The following MTUS2 variants were observed in gnomAD, a reference collection of about 807,000 sequenced individuals.
MTUS2 encodes the protein microtubule associated scaffold protein 2, also known as microtubule-associated tumor suppressor candidate 2.
Under a neutral mutation model 114.1 loss-of-function variants are expected in MTUS2, and 40 were observed. The ratio of observed to expected loss-of-function variants is 0.35; its 90% CI spans 0.27 to 0.46. MTUS2 has a LOEUF of 0.46. Ranked by LOEUF, MTUS2 falls within the 20% of genes least tolerant of loss-of-function variation. The pLI is 1.00. For synonymous variants in MTUS2, 688 were observed against 672.0 expected (o/e 1.02, Z -0.37); for missense variants, 1,679 against 1,705.4 (o/e 0.98, Z 0.27).
At chr13:29,335,064 G>T (rs1900983571) in intron 7 of MTUS2, among the ~76,000 whole-genome samples, 1 of 152,070 alleles carries the variant, frequency 6.6e-6, no homozygotes, top group African/African-American at 2.4e-5. Flanking sequence ...TAACCTTAAA[G>T]TCTGGCTGCC....
intron 8 of MTUS2, among the ~76,000 whole-genome samples, chr13:29,365,498 T>TCGC: frequency 3.9e-5 from 1 of 25,374 alleles, no homozygotes; most frequent in Non-Finnish European, 1.3e-4. Context: ...CAATACGTTT[T>TCGC]TTTGTTTGGG....
At chr13:28,870,456 T>A (rs1264956918) in intron 2 of MTUS2, among the ~76,000 whole-genome samples, 1 of 152,124 alleles carries the variant, frequency 6.6e-6, no homozygotes, top group Non-Finnish European at 1.5e-5. Context: ...TGTCACAGCC[T>A]CTCCTATCAT....
chr13:29,290,598 G>A (rs1377934416), intron 6 of MTUS2, among the ~76,000 whole-genome samples: 1 of 152,152 alleles, frequency 6.6e-6, no homozygotes, highest in Non-Finnish European at 1.5e-5. Flanking sequence ...CCAAAGTGCT[G>A]GGATTACAGG....
chr13:29,285,746 G>A (rs1322899056), intron 6 of MTUS2, among the ~76,000 whole-genome samples: 1 of 152,104 alleles, frequency 6.6e-6, no homozygotes, highest in Non-Finnish European at 1.5e-5. Flanking sequence ...AAAATGAAGA[G>A]GGCATGGGAA....
intron 2 of MTUS2, among the ~76,000 whole-genome samples, chr13:29,011,488 AT>A (rs1243393959): frequency 1.3e-5 from 2 of 152,206 alleles, no homozygotes; most frequent in Non-Finnish European, 2.9e-5. Flanking sequence ...TTGGTGAAAT[AT>A]TGGAGGATTA....
chr13:29,281,419 C>G (rs895111744), intron 5 of MTUS2, among the ~76,000 whole-genome samples: 107 of 146,638 alleles, frequency 7.3e-4, no homozygotes, highest in Non-Finnish European at 1.3e-3. Context: ...GTATGTATGT[C>G]TGTGTGTGTG....
intron 2 of MTUS2, among the ~76,000 whole-genome samples, chr13:29,009,587 C>T (rs921491695): frequency 2.0e-5 from 3 of 151,936 alleles, no homozygotes; most frequent in Non-Finnish European, 4.4e-5. Flanking sequence ...GATTACAAAG[C>T]GGTAACATGA....
chr13:28,970,094 T>C (rs1273840989), intron 2 of MTUS2, among the ~76,000 whole-genome samples: 1 of 152,212 alleles, frequency 6.6e-6, no homozygotes, highest in East Asian at 1.9e-4. Context: ...CCATGTAATA[T>C]GTTATTGTTA....
chr13:29,486,003 G>T (rs1207147082), intron 10 of MTUS2, among the ~76,000 whole-genome samples: 1 of 152,196 alleles, frequency 6.6e-6, no homozygotes, highest in African/African-American at 2.4e-5. Context: ...GGAGCAGAAA[G>T]AAAAGATATT....
chr13:29,311,565 T>C (rs1020492279), intron 6 of MTUS2, among the ~76,000 whole-genome samples: 1 of 152,196 alleles, frequency 6.6e-6, no homozygotes, highest in Non-Finnish European at 1.5e-5. Flanking sequence ...TTCTCTCTAA[T>C]GAATACGTGT....
chr13:29,351,747 C>T (rs1401143735), intron 7 of MTUS2, among the ~76,000 whole-genome samples: 2 of 151,224 alleles, frequency 1.3e-5, no homozygotes, highest in African/African-American at 4.9e-5. Context: ...GGACTATAGG[C>T]GTGTACCACC....
At chr13:29,112,393 T>C (rs1240978159) in intron 5 of MTUS2, among the ~76,000 whole-genome samples, 1 of 151,988 alleles carries the variant, frequency 6.6e-6, no homozygotes, top group Non-Finnish European at 1.5e-5. Flanking sequence ...GGCTGAGATG[T>C]TTTGATATTG....
At chr13:29,006,247 G>A (rs1031509758) in intron 2 of MTUS2, among the ~76,000 whole-genome samples, 1 of 152,138 alleles carries the variant, frequency 6.6e-6, no homozygotes, top group African/African-American at 2.4e-5. Flanking sequence ...AGAGCACTCT[G>A]CACCAGATGC....
chr13:29,210,733 A>G (rs1282715865), intron 5 of MTUS2, among the ~76,000 whole-genome samples: 1 of 152,154 alleles, frequency 6.6e-6, no homozygotes, highest in East Asian at 1.9e-4. Context: ...ACCAGGCTCC[A>G]GGCTGGTACT....
chr13:29,286,648 A>ATCTGTCTGTCTGGCTGTCTGTCTGTCTG (rs1898493335), intron 6 of MTUS2, among the ~76,000 whole-genome samples: 1 of 145,966 alleles, frequency 6.9e-6, no homozygotes, highest in African/African-American at 2.6e-5. Context: ...TGCACTATCT[A>ATCTGTCTGTCTGGCTGTCTGTCTGTCTG]TCTGTCTGTC....
chr13:29,019,053 G>C (rs1886184695), intron 2 of MTUS2, among the ~76,000 whole-genome samples: 1 of 152,066 alleles, frequency 6.6e-6, no homozygotes, highest in South Asian at 2.1e-4. Context: ...TTACTGTGTA[G>C]GACCGGTCAT....
chr13:29,285,339 G>A (rs919877523), intron 6 of MTUS2, among the ~76,000 whole-genome samples: 2 of 152,162 alleles, frequency 1.3e-5, no homozygotes, highest in Non-Finnish European at 2.9e-5. Flanking sequence ...TAACCAAATA[G>A]CTGGTGAGGG....
intron 5 of MTUS2, among the ~76,000 whole-genome samples, chr13:29,253,318 C>T (rs893932199): frequency 8.6e-5 from 13 of 151,646 alleles, no homozygotes; most frequent in Admixed American, 6.6e-4. Context: ...CCCAGCTACT[C>T]GGGAGGCTGA....
Position 28,863,403 on chromosome 13 carries a change from A to C in MTUS2, c.-243+23553A>C, listed in dbSNP as rs1350069246. ...TCCCACCATGAGCCTTTATATAAAA[A>C]CACACAGTGTCATTAAAGGTGTGTC... On this transcript the variant is annotated intron_variant, in intron 2 of 15. Coordinates refer to ENST00000612955, the MANE Select transcript of MTUS2 (RefSeq NM_001033602.4). Among the ~76,000 whole-genome samples the C allele has an allele frequency of 7.9e-5, 12 of 152,216 alleles. No individual in the cohort carries two copies. The East Asian group carries it at 2.1e-3, about 27-fold the overall frequency.
Sources: gnomAD v4.1 joint callset for allele counts (sites outside exome capture counted in the v4.1 genomes callset) on GRCh38, gnomAD v4.1.1 for gene constraint, MANE v1.5 for transcripts, NCBI Gene and HGNC (gene_info 2026-07-23, HGNC 2026-07-21) for gene names.